PAMR1: variants seen among roughly 807,000 people sequenced by gnomAD.
PAMR1 encodes peptidase domain containing associated with muscle regeneration 1, also known as inactive serine protease PAMR1.
Under a neutral mutation model 81.8 loss-of-function variants are expected in PAMR1, and 88 were observed. That is an observed-to-expected ratio of 1.08 (90% CI 0.91 to 1.28). The LOEUF (loss-of-function observed/expected upper bound fraction) is 1.28, where lower values mean the gene tolerates loss of function less well. PAMR1 is among the 50% of genes most tolerant of loss of function. The pLI is 0.00. For missense variants in PAMR1, 935 were observed against 919.7 expected (o/e 1.02, Z -0.21); for synonymous variants, 336 against 345.3 (o/e 0.97, Z 0.30).
At chr11:35,439,929 A>ATTTC in intron 7 of PAMR1, among the ~76,000 whole-genome samples, 1 of 152,208 alleles carries the variant, frequency 6.6e-6, no homozygotes, top group South Asian at 2.1e-4. Flanking sequence ...TGCCTCTGAA[A>ATTTC]GGCTGCCCCA....
intron 6 of PAMR1, among the ~76,000 whole-genome samples, chr11:35,461,720 A>C (rs1406237179): frequency 6.6e-6 from 1 of 152,198 alleles, no homozygotes; most frequent in African/African-American, 2.4e-5. Flanking sequence ...TCTAAATCCA[A>C]ATGGGATGGC....
chr11:35,500,425 T>C (rs1273262477), intron 1 of PAMR1, among the ~76,000 whole-genome samples: 3 of 151,962 alleles, frequency 2.0e-5, no homozygotes, highest in Non-Finnish European at 4.4e-5. Flanking sequence ...TGGAATACAA[T>C]AGAAAAAAAA....
intron 3 of PAMR1, among the ~76,000 whole-genome samples, chr11:35,476,336 C>A (rs1416387384): frequency 6.6e-6 from 1 of 152,166 alleles, no homozygotes; most frequent in African/African-American, 2.4e-5. Flanking sequence ...CCATAATCCC[C>A]ACATGTCATA....
At chr11:35,444,618 G>T (rs190210438) in intron 6 of PAMR1, among the ~76,000 whole-genome samples, 3 of 152,226 alleles carry the variant, frequency 2.0e-5, no homozygotes, top group Admixed American at 6.5e-5. Context: ...CTCATTGCTT[G>T]TTTTTGTCAG....
At chr11:35,442,131 C>T (rs1337371290) in intron 6 of PAMR1, among the ~76,000 whole-genome samples, 7 of 152,188 alleles carry the variant, frequency 4.6e-5, no homozygotes, top group African/African-American at 1.7e-4. Flanking sequence ...GTATTGTACC[C>T]AGAAAGTAGA....
At chr11:35,433,821 GGGATGGAT>G (rs377245331) in intron 10 of PAMR1, among the ~76,000 whole-genome samples, 2 of 149,410 alleles carry the variant, frequency 1.3e-5, no homozygotes, top group East Asian at 1.9e-4. Flanking sequence ...GAGGGATGGA[GGGATGGAT>G]GGATGGATGG....
intron 6 of PAMR1, among the ~76,000 whole-genome samples, chr11:35,457,131 T>A (rs1268992508): frequency 1.3e-5 from 2 of 152,186 alleles, no homozygotes; most frequent in African/African-American, 4.8e-5. Context: ...AAGCATTATA[T>A]CTGGGCATGT....
At position 35,436,438 on chromosome 11, in the gene PAMR1, C is replaced by T. The variant is rs970342799; in HGVS notation, c.1101-303G>A. Reference sequence around the variant, plus strand: ...TAGCTGGGATTACAGACATGCAACACCACGCCCAGCTAATTTTTGTATTTG... The same window carrying T: ...TAGCTGGGATTACAGACATGCAACATCACGCCCAGCTAATTTTTGTATTTG... On this transcript the variant is annotated intron_variant, in intron 8 of 10. Transcript: ENST00000619888. Among the ~76,000 whole-genome samples, 4 of 152,118 alleles carry T rather than the reference C, an allele frequency of 2.6e-5. No individual in the cohort carries two copies. The East Asian group carries it at 7.7e-4, about 29-fold the overall frequency.
chr11:35,502,754 A>G (rs1850873614), intron 1 of PAMR1, among the ~76,000 whole-genome samples: 1 of 152,088 alleles, frequency 6.6e-6, no homozygotes, highest in Non-Finnish European at 1.5e-5. Flanking sequence ...TGTCAGATGG[A>G]TAGCTTGCAA....
At position 35,467,912 on chromosome 11, in the gene PAMR1, T is replaced by C. The variant is rs1856784040; in HGVS notation, c.820+89A>G. 7 of 744,558 alleles carry C rather than the reference T, an allele frequency of 9.4e-6. No individual in the cohort carries two copies. The South Asian group carries it at 1.2e-4, about 12-fold the overall frequency. 46.1% of individuals were successfully genotyped at this position (744,558 alleles called of 1,614,324 possible). A position where few individuals can be genotyped will look rare whatever the true frequency, so the allele number is the denominator to read the frequency against. ...CATCTTGGACAGAGCATCCTAGACA[T>C]GAAGAAAGAGTTGGCCCTGCAAGCT... On this transcript the variant is annotated intron_variant, in intron 6 of 10. Transcript: ENST00000619888.
At chr11:35,485,808 AT>A (rs1850488739) in intron 3 of PAMR1, among the ~76,000 whole-genome samples, 1 of 147,326 alleles carries the variant, frequency 6.8e-6, no homozygotes, top group African/African-American at 2.5e-5. Context: ...GGAAAAAAAA[AT>A]GCCCAGGCTC....
At chr11:35,508,516 A>ATTTTTTTTTTTTT (rs59836040) in intron 1 of PAMR1, among the ~76,000 whole-genome samples, 12 of 98,050 alleles carry the variant, frequency 1.2e-4, no homozygotes, top group African/African-American at 4.1e-4. Flanking sequence ...AGGAACCTCC[A>ATTTTTTTTTTTTT]TTTTTTTTTT....
At chr11:35,525,650 G>A (rs910718778), upstream of PAMR1, 1 of 1,468,152 alleles carries the variant, frequency 6.8e-7, no homozygotes, top group Non-Finnish European at 9.4e-7. Flanking sequence ...GGAGGCCGGG[G>A]GCAGGCGGGT....
intron 10 of PAMR1, among the ~76,000 whole-genome samples, chr11:35,433,637 C>T (rs944843584): frequency 3.3e-5 from 5 of 152,220 alleles, no homozygotes; most frequent in African/African-American, 1.2e-4. Flanking sequence ...GAAAATAAAA[C>T]GTGCTCTATT....
intron 3 of PAMR1, among the ~76,000 whole-genome samples, chr11:35,482,879 T>C (rs1277435317): frequency 1.3e-5 from 2 of 152,214 alleles, no homozygotes; most frequent in African/African-American, 2.4e-5. Context: ...TTTTGCTCAT[T>C]GATTTGGTGA....
intron 6 of PAMR1, among the ~76,000 whole-genome samples, chr11:35,442,588 T>C (rs1046403173): frequency 2.6e-5 from 4 of 151,946 alleles, no homozygotes; most frequent in African/African-American, 9.7e-5. Flanking sequence ...CTTTCTTTTT[T>C]CTTTTTTTTT....
chr11:35,441,479 A>G lies in PAMR1; in HGVS notation c.1033+2T>C, dbSNP rs1856163784. The G allele has an allele frequency of 6.2e-7, 1 of 1,606,158 alleles. No homozygotes were observed. Among genetic ancestry groups the G allele is most frequent in the Admixed American group, 1.7e-5 (1 of 59,944 alleles). ...TAGACTTCAGAAACAATTGTAAGTTACCTTTTATGCAGATGGGCTGTTTCC... is the reference window on the plus strand; with the variant it reads ...TAGACTTCAGAAACAATTGTAAGTTGCCTTTTATGCAGATGGGCTGTTTCC... On this transcript the variant is annotated splice_donor_variant, in intron 7 of 10. Coordinates refer to ENST00000619888, the MANE Select transcript of PAMR1 (RefSeq NM_001001991.3). LOFTEE classifies it high-confidence loss of function.
At chr11:35,477,543 G>A (rs1398423508) in intron 3 of PAMR1, among the ~76,000 whole-genome samples, 1 of 152,214 alleles carries the variant, frequency 6.6e-6, no homozygotes, top group Admixed American at 6.5e-5. Flanking sequence ...CCCTAGCCGT[G>A]CAGCCTTGGG....
intron 1 of PAMR1, among the ~76,000 whole-genome samples, chr11:35,500,513 T>C (rs751442248): frequency 6.6e-6 from 1 of 152,150 alleles, no homozygotes; most frequent in Non-Finnish European, 1.5e-5. Context: ...AAATACATAA[T>C]CATAAACCAC....
Sources: gnomAD v4.1 joint callset for allele counts (sites outside exome capture counted in the v4.1 genomes callset) on GRCh38, gnomAD v4.1.1 for gene constraint, MANE v1.5 for transcripts, NCBI Gene and HGNC (gene_info 2026-07-23, HGNC 2026-07-21) for gene names.